Variants in PSMA1 observed in about 807,000 individuals in gnomAD.
The protein encoded by PSMA1 is proteasome subunit alpha type-1.
Under a neutral mutation model 38.4 loss-of-function variants are expected in PSMA1, and 3 were observed. The observed-to-expected ratio is 0.08, with a 90% CI of 0.04 to 0.20. The LOEUF (loss-of-function observed/expected upper bound fraction) is 0.20, where lower values mean the gene tolerates loss of function less well. Among genes scored for constraint, PSMA1 ranks in the 10% least tolerant of loss-of-function variants. The pLI, the probability that PSMA1 is intolerant of heterozygous loss-of-function variation, is 1.00. For synonymous variants in PSMA1, 101 were observed against 107.1 expected, an observed-to-expected ratio of 0.94 and a Z score of 0.35; for missense variants, 227 against 325.3, an observed-to-expected ratio of 0.70 and a Z score of 2.32.
At chr11:14,530,630 G>C (rs1851637126) in intron 2 of PSMA1, among the ~76,000 whole-genome samples, 1 of 152,150 alleles carries the variant, frequency 6.6e-6, no homozygotes, top group Admixed American at 6.5e-5. Flanking sequence ...TGGGCTGGAT[G>C]CAGTGGCTCA....
intron 2 of PSMA1, among the ~76,000 whole-genome samples, chr11:14,581,151 A>G (rs896058798): frequency 6.6e-6 from 1 of 152,220 alleles, no homozygotes; most frequent in Non-Finnish European, 1.5e-5. Context: ...TGGCTGGTGA[A>G]TAGTCTACTA....
At chr11:14,632,572 C>T (rs1303039194) in intron 1 of PSMA1, among the ~76,000 whole-genome samples, 6 of 151,114 alleles carry the variant, frequency 4.0e-5, no homozygotes, top group Non-Finnish European at 2.9e-5. Flanking sequence ...GAGGGTAACC[C>T]GACCTTTCTC....
At chr11:14,526,447 T>C (rs1490173821) in intron 2 of PSMA1, among the ~76,000 whole-genome samples, 1 of 152,178 alleles carries the variant, frequency 6.6e-6, no homozygotes, top group Non-Finnish European at 1.5e-5. Context: ...AACTTGACCT[T>C]ACTGTTTTAG....
chr11:14,548,850 T>A (rs1851855890), intron 2 of PSMA1, among the ~76,000 whole-genome samples: 1 of 152,228 alleles, frequency 6.6e-6, no homozygotes, highest in African/African-American at 2.4e-5. Context: ...TCACACCCAG[T>A]CTATACTGAT....
At chr11:14,562,935 T>A (rs1852026623) in intron 2 of PSMA1, among the ~76,000 whole-genome samples, 1 of 152,190 alleles carries the variant, frequency 6.6e-6, no homozygotes, top group Non-Finnish European at 1.5e-5. Flanking sequence ...TAATGCCCCA[T>A]TAATTATCAT....
At chr11:14,529,183 CA>C (rs1565037514) in intron 2 of PSMA1, among the ~76,000 whole-genome samples, 1 of 149,734 alleles carries the variant, frequency 6.7e-6, no homozygotes. Context: ...TTAAAAGAAT[CA>C]AATAAAAGTA....
At chr11:14,508,262 C>T (rs1851280173) in intron 8 of PSMA1, among the ~76,000 whole-genome samples, 1 of 152,064 alleles carries the variant, frequency 6.6e-6, no homozygotes, top group Non-Finnish European at 1.5e-5. Context: ...TCCTATATTA[C>T]TGCGAAAACA....
rs1025642508 is a variant in PSMA1, at chr11:14,513,552, A to C, written c.544+18T>G. On this transcript the variant is annotated intron_variant, in intron 7 of 9. Transcript: ENST00000396394. ...AAAGGCAAAAAAAAAAAAAAAAAAA[A>C]GCAAGGCTGTCACTTACACTCCATA... is the stretch of plus-strand genomic sequence containing the variant. 4 of 1,375,338 alleles carry C rather than the reference A, an allele frequency of 2.9e-6. No homozygotes were observed. The highest frequency in any genetic ancestry group is 3.8e-6 in the Non-Finnish European group (4 of 1,065,648). 85.2% of individuals were successfully genotyped at this position (1,375,338 alleles called of 1,614,324 possible).
chr11:14,530,953 T>C (rs16930265), intron 2 of PSMA1, among the ~76,000 whole-genome samples: 1 of 150,526 alleles, frequency 6.6e-6, no homozygotes, highest in Non-Finnish European at 1.5e-5. Flanking sequence ...CTAGTAGTAG[T>C]AGCAATAATT....
intron 2 of PSMA1, among the ~76,000 whole-genome samples, chr11:14,528,979 C>G (rs1851617269): frequency 6.6e-6 from 1 of 152,060 alleles, no homozygotes; most frequent in Non-Finnish European, 1.5e-5. Flanking sequence ...TCGGACTCAG[C>G]CCGCCTGCAC....
chr11:14,607,720 C>G (rs1852660527), intron 2 of PSMA1, among the ~76,000 whole-genome samples: 1 of 152,158 alleles, frequency 6.6e-6, no homozygotes. Flanking sequence ...GGAAGGACAA[C>G]TGGGTAGGAA....
intron 2 of PSMA1, among the ~76,000 whole-genome samples, chr11:14,539,096 G>A (rs1004627571): frequency 8.5e-5 from 13 of 152,178 alleles, no homozygotes; most frequent in Non-Finnish European, 1.5e-4. Flanking sequence ...ATTTGTCTGT[G>A]GGAATTTCAA....
chr11:14,570,373 G>A (rs1852123402), intron 2 of PSMA1, among the ~76,000 whole-genome samples: 2 of 152,218 alleles, frequency 1.3e-5, no homozygotes, highest in Non-Finnish European at 2.9e-5. Flanking sequence ...ACTTAGACGA[G>A]TTGAGAGAAG....
chr11:14,627,846 C>G (rs547520268), intron 1 of PSMA1, among the ~76,000 whole-genome samples: 1 of 152,250 alleles, frequency 6.6e-6, no homozygotes, highest in South Asian at 2.1e-4. Flanking sequence ...ATATCTAAAT[C>G]CTACCCATCC....
intron 2 of PSMA1, among the ~76,000 whole-genome samples, chr11:14,600,512 C>G (rs1323098268): frequency 6.6e-6 from 1 of 152,226 alleles, no homozygotes; most frequent in Non-Finnish European, 1.5e-5. Context: ...GCTGAGCTAG[C>G]AGTGAGCAAG....
At chr11:14,606,925 A>G (rs1267647542) in intron 2 of PSMA1, among the ~76,000 whole-genome samples, 1 of 152,230 alleles carries the variant, frequency 6.6e-6, no homozygotes, top group African/African-American at 2.4e-5. Flanking sequence ...TTACTGACAC[A>G]TAGCCCCAGG....
chr11:14,634,576 C>A lies in PSMA1; in HGVS notation c.-166+8879G>T, dbSNP rs556929586. On this transcript the variant is annotated intron_variant, in intron 1 of 10. Coordinates refer to the PSMA1 transcript ENST00000418988. The stretch of plus-strand genomic sequence containing the variant: ...CCCAGGCTAGTCTTGAACTCCTGGC[C>A]TCAAGTTATTCTCCTAACTCAGCCT... 2.0e-5 allele frequency among the ~76,000 whole-genome samples: 3 copies of A among 151,730 alleles called. No homozygotes were observed. The South Asian group carries it at 6.2e-4, about 32-fold the overall frequency.
chr11:14,552,400 G>A (rs1851895713), intron 2 of PSMA1, among the ~76,000 whole-genome samples: 1 of 152,184 alleles, frequency 6.6e-6, no homozygotes, highest in Non-Finnish European at 1.5e-5. Context: ...TTCAAAATAA[G>A]TTGATTTAAA....
intron 2 of PSMA1, among the ~76,000 whole-genome samples, chr11:14,575,255 A>G (rs1852197598): frequency 6.6e-6 from 1 of 152,156 alleles, no homozygotes; most frequent in African/African-American, 2.4e-5. Flanking sequence ...TTTTAAAAAA[A>G]TTTATTATAG....
Sources: gnomAD v4.1 joint callset for allele counts (sites outside exome capture counted in the v4.1 genomes callset) on GRCh38, gnomAD v4.1.1 for gene constraint, MANE v1.5 for transcripts, NCBI Gene and HGNC (gene_info 2026-07-23, HGNC 2026-07-21) for gene names.